Variants in COL4A2 observed in about 807,000 individuals in gnomAD.
The protein encoded by COL4A2 is collagen type IV alpha 2 chain, also known as collagen alpha-2(IV) chain.
In COL4A2, 99 loss-of-function variants were observed where a neutral mutation model predicts 200.2. The ratio of observed to expected loss-of-function variants is 0.49; its 90% CI spans 0.42 to 0.58. The LOEUF (loss-of-function observed/expected upper bound fraction) is 0.58. COL4A2 is among the 20% of genes least tolerant of loss of function. The probability of loss-of-function intolerance (pLI) is 0.00; values close to 1 mark genes in which losing one functional copy is unlikely to be tolerated. For synonymous variants in COL4A2, 897 were observed against 900.6 expected (o/e 1.00, Z 0.07); for missense variants, 1,950 against 2,314.1 (o/e 0.84, Z 3.23).
chr13:110,352,576 G>A (rs1310546688), intron 3 of COL4A2, among the ~76,000 whole-genome samples: 6 of 152,324 alleles, frequency 3.9e-5, no homozygotes, highest in African/African-American at 7.2e-5. Context: ...AAGTGAAAGC[G>A]TGGATGAAGG....
intron 3 of COL4A2, among the ~76,000 whole-genome samples, chr13:110,336,632 C>A (rs914278356): frequency 6.6e-6 from 1 of 152,068 alleles, no homozygotes; most frequent in Non-Finnish European, 1.5e-5. Flanking sequence ...TTTTTATCTG[C>A]ATCAGGGGTT....
chr13:110,421,363 C>T (rs9521755), intron 4 of COL4A2, among the ~76,000 whole-genome samples: 81,345 of 151,994 alleles, frequency 0.54, 22,226 homozygotes, highest in Admixed American at 0.63. Context: ...CAGATGTCCA[C>T]GAACAAATGA....
At position 110,445,813 on chromosome 13, in the gene COL4A2, A is replaced by C. The variant is rs185029344; in HGVS notation, c.958-16A>C. The C allele has an allele frequency of 8.1e-6, 13 of 1,614,188 alleles. No homozygotes were observed. The Admixed American group carries it at 1.5e-4, about 19-fold the overall frequency. On this transcript the variant is annotated splice_polypyrimidine_tract_variant and intron_variant, in intron 16 of 47. Coordinates refer to ENST00000360467, the MANE Select transcript of COL4A2 (RefSeq NM_001846.4). ...ACATCAGAGACAAAAATTAAAAGCA[A>C]ATATCTTTCTTGCAGGGAAGCCGAG...
intron 4 of COL4A2, among the ~76,000 whole-genome samples, chr13:110,384,386 A>G (rs973343749): frequency 3.3e-5 from 5 of 152,306 alleles, no homozygotes; most frequent in South Asian, 2.1e-4. Context: ...CAATTCTATG[A>G]TTCGGTGTGA....
At chr13:110,470,280 C>T (rs143603630) in intron 28 of COL4A2, among the ~76,000 whole-genome samples, 56 of 152,274 alleles carry the variant, frequency 3.7e-4, no homozygotes, top group Middle Eastern at 3.4e-3. Context: ...ACTTTCCACC[C>T]GAGATGAAAC....
intron 20 of COL4A2, among the ~76,000 whole-genome samples, chr13:110,456,040 C>T (rs1881720267): frequency 6.6e-6 from 1 of 152,238 alleles, no homozygotes; most frequent in South Asian, 2.1e-4. Flanking sequence ...GTCTTGCAGA[C>T]ACACACCCTC....
chr13:110,432,960 G>C (rs777434716), intron 11 of COL4A2, among the ~76,000 whole-genome samples: 4 of 152,232 alleles, frequency 2.6e-5, no homozygotes, highest in Non-Finnish European at 5.9e-5. Context: ...GAGAAAGCTG[G>C]ATAAATGTCC....
At chr13:110,403,923 G>A (rs1392691037) in intron 4 of COL4A2, among the ~76,000 whole-genome samples, 1 of 152,190 alleles carries the variant, frequency 6.6e-6, no homozygotes, top group Non-Finnish European at 1.5e-5. Flanking sequence ...AGCAGATGTG[G>A]TGTCTGGTAA....
chr13:110,500,639 A>ACAC (rs1157805281), intron 40 of COL4A2, among the ~76,000 whole-genome samples: 1 of 152,222 alleles, frequency 6.6e-6, no homozygotes, highest in Non-Finnish European at 1.5e-5. Flanking sequence ...GTCACCAAGA[A>ACAC]CACTGACTTA....
chr13:110,352,658 G>C (rs996233658), intron 3 of COL4A2, among the ~76,000 whole-genome samples: 1 of 152,222 alleles, frequency 6.6e-6, no homozygotes, highest in African/African-American at 2.4e-5. Context: ...CACTGGTGCA[G>C]TTGAAGGAAG....
rs414881 is a variant in COL4A2, at chr13:110,504,064, G to A, written c.4285+71G>A. On this transcript the variant is annotated intron_variant, in intron 44 of 47. Coordinates refer to ENST00000360467, the MANE Select transcript of COL4A2 (RefSeq NM_001846.4). Reference sequence around the variant, plus strand: ...CAAGGCCAGGGCCTGCTGGCATTGCGTCCTCTTGTGTTCTCTTTGTGGATC... The same window carrying A: ...CAAGGCCAGGGCCTGCTGGCATTGCATCCTCTTGTGTTCTCTTTGTGGATC... 0.48 allele frequency: 747,991 copies of A among 1,558,194 alleles called. 182,187 individuals carry two copies. The highest frequency in any genetic ancestry group is 0.62 in the East Asian group (27,465 of 44,556).
At chr13:110,396,892 G>T (rs890460385) in intron 4 of COL4A2, among the ~76,000 whole-genome samples, 3 of 152,212 alleles carry the variant, frequency 2.0e-5, no homozygotes, top group African/African-American at 7.2e-5. Context: ...TGCATAGAGA[G>T]ATTTCAGAGG....
Position 110,512,490 on chromosome 13 carries a change from A to C in COL4A2, c.*299A>C. On this transcript the variant is annotated 3_prime_UTR_variant, in exon 48 of 48. Coordinates refer to ENST00000360467, the MANE Select transcript of COL4A2 (RefSeq NM_001846.4). Reference sequence around the variant, plus strand: ...CCACTTCGCACACACCCATGTAACCACTGCACTTTCCAATGCCACAGACAA... The same window carrying C: ...CCACTTCGCACACACCCATGTAACCCCTGCACTTTCCAATGCCACAGACAA... 2.4e-6 allele frequency: 1 copy of C among 411,616 alleles called. No individual in the cohort carries two copies. The highest frequency in any genetic ancestry group is 2.1e-5 in the African/African-American group (1 of 48,674). The allele number at this position is 411,616 out of a possible 1,614,324, so 25.5% of individuals were successfully genotyped here.
chr13:110,473,263 C>G (rs1882552777), intron 29 of COL4A2, 113 bp downstream of exon 29: 2 of 926,060 alleles, frequency 2.2e-6, no homozygotes, highest in Admixed American at 5.8e-5. Context: ...CCCTATAGTG[C>G]TAGCCATGCG....
chr13:110,318,639 C>T (rs1885205409), intron 3 of COL4A2, among the ~76,000 whole-genome samples: 2 of 152,200 alleles, frequency 1.3e-5, no homozygotes, highest in South Asian at 4.1e-4. Flanking sequence ...GAGTATTCAA[C>T]TCTTTACACT....
chr13:110,459,264 A>G, intron 22 of COL4A2: 1 of 237,302 alleles, frequency 4.2e-6, no homozygotes, highest in Non-Finnish European at 8.2e-6. Flanking sequence ...ACACACATAC[A>G]CCAATGTTCA....
intron 14 of COL4A2, among the ~76,000 whole-genome samples, chr13:110,438,256 A>G (rs368715556): frequency 1.3e-5 from 2 of 152,244 alleles, no homozygotes; most frequent in Non-Finnish European, 2.9e-5. Flanking sequence ...CTGGCTAATC[A>G]TCTTCTGAGG....
chr13:110,413,704 G>T (rs1339235489), intron 4 of COL4A2, among the ~76,000 whole-genome samples: 1 of 152,220 alleles, frequency 6.6e-6, no homozygotes, highest in Admixed American at 6.5e-5. Flanking sequence ...CTGCAGAGCT[G>T]ACACAGTGGC....
At chr13:110,415,587 G>A (rs565901083) in intron 4 of COL4A2, among the ~76,000 whole-genome samples, 6 of 152,092 alleles carry the variant, frequency 3.9e-5, no homozygotes, top group Admixed American at 1.3e-4. Flanking sequence ...TTATCGTAGC[G>A]GAACCAACTC....
Sources: allele counts gnomAD v4.1 joint callset (sites outside exome capture counted in the v4.1 genomes callset), GRCh38; gene constraint gnomAD v4.1.1; transcripts MANE v1.5; gene names NCBI Gene and HGNC (gene_info 2026-07-23, HGNC 2026-07-21).